Variants in PARVA observed in about 807,000 individuals in gnomAD.
PARVA encodes the protein alpha-parvin.
Under a neutral mutation model 52.6 loss-of-function variants are expected in PARVA, and 25 were observed. The ratio of observed to expected loss-of-function variants is 0.48; its 90% CI spans 0.35 to 0.66. The LOEUF is 0.66. Among genes scored for constraint, PARVA ranks in the 30% least tolerant of loss-of-function variants. The pLI is 0.01. For missense variants in PARVA, 373 were observed against 450.9 expected (o/e 0.83, Z 1.56); for synonymous variants, 185 against 179.1 (o/e 1.03, Z -0.26).
intron 1 of PARVA, among the ~76,000 whole-genome samples, chr11:12,379,219 T>A (rs746590321): frequency 2.2e-4 from 30 of 134,578 alleles, no homozygotes; most frequent in Non-Finnish European, 4.0e-4. Flanking sequence ...CGACCTGTTT[T>A]ATCAGCAAGG....
rs1183627718 is a variant in PARVA, at chr11:12,504,526, A to C, written c.657+97A>C. The C allele has an allele frequency of 2.1e-5, 15 of 728,984 alleles. No individual in the cohort carries two copies. In the Admixed American group the frequency reaches 2.4e-4, roughly 12 times the overall value. 45.2% of individuals were successfully genotyped at this position (728,984 alleles called of 1,614,324 possible). On this transcript the variant is annotated intron_variant, in intron 6 of 12. Coordinates refer to ENST00000334956, the MANE Select transcript of PARVA (RefSeq NM_018222.5). ...AGTAGGTCATTAGAAGGATGGCTGC[A>C]TGAATGTTGAGTGAGCCTGGGTGTG...
intron 5 of PARVA, among the ~76,000 whole-genome samples, chr11:12,500,494 A>G (rs952199479): frequency 6.6e-6 from 1 of 152,228 alleles, no homozygotes; most frequent in Non-Finnish European, 1.5e-5. Flanking sequence ...AGAATATTTG[A>G]AAATAGGCAA....
upstream of PARVA, chr11:12,377,242 G>T (rs184915401): frequency 1.6e-4 from 61 of 382,132 alleles, no homozygotes; most frequent in Admixed American, 6.3e-4. Context: ...AAGACCCCGG[G>T]AGAGTAGCAG....
intron 5 of PARVA, among the ~76,000 whole-genome samples, chr11:12,503,175 C>T (rs1419975060): frequency 6.6e-6 from 1 of 152,198 alleles, no homozygotes. Flanking sequence ...GCATTGCCTA[C>T]AGTGACCATA....
rs1353527795 is a variant in PARVA, at chr11:12,435,366, A to G, written c.137-38379A>G. The stretch of plus-strand genomic sequence containing the variant: ...GATCCTGATTCCAGAACATGGGGAA[A>G]AGTACAGAGGGTTGACCATTCCAAA... On this transcript the variant is annotated intron_variant, in intron 1 of 12. Coordinates refer to ENST00000334956, the MANE Select transcript of PARVA (RefSeq NM_018222.5). Among the ~76,000 whole-genome samples, 3 of 152,214 alleles carry G rather than the reference A, an allele frequency of 2.0e-5. No individual in the cohort carries two copies. In the East Asian group the frequency reaches 5.8e-4, roughly 29 times the overall value.
Position 12,513,988 on chromosome 11 carries a change from C to A in PARVA, c.799-9C>A, listed in dbSNP as rs1171123892. On this transcript the variant is annotated splice_polypyrimidine_tract_variant and intron_variant, in intron 9 of 12. Coordinates refer to ENST00000334956, the MANE Select transcript of PARVA (RefSeq NM_018222.5). Reference sequence around the variant, plus strand: ...CCCCAGCTTAGGGCCTGCTTTGCTTCTCTTTTAGACACTCATCACTTTCGT... The same window carrying A: ...CCCCAGCTTAGGGCCTGCTTTGCTTATCTTTTAGACACTCATCACTTTCGT... 4 of 1,613,428 alleles carry A rather than the reference C, an allele frequency of 2.5e-6. No individual in the cohort carries two copies. The highest frequency in any genetic ancestry group is 2.2e-5 in the South Asian group (2 of 91,076).
intron 1 of PARVA, among the ~76,000 whole-genome samples, chr11:12,465,851 T>A (rs1216068730): frequency 6.6e-6 from 1 of 152,260 alleles, no homozygotes; most frequent in African/African-American, 2.4e-5. Flanking sequence ...TGAACATGTT[T>A]TCAAATCAGT....
chr11:12,392,836 G>A (rs1053371666), intron 1 of PARVA, among the ~76,000 whole-genome samples: 5 of 151,932 alleles, frequency 3.3e-5, no homozygotes, highest in African/African-American at 1.2e-4. Flanking sequence ...ACCCCGAAAG[G>A]TACACACTGG....
chr11:12,392,061 G>T (rs1939666816), intron 1 of PARVA, among the ~76,000 whole-genome samples: 1 of 151,598 alleles, frequency 6.6e-6, no homozygotes. Context: ...TCTACTTTCT[G>T]TTTCTCTGAA....
At chr11:12,411,512 C>A (rs1231373543) in intron 1 of PARVA, among the ~76,000 whole-genome samples, 1 of 152,170 alleles carries the variant, frequency 6.6e-6, no homozygotes, top group East Asian at 1.9e-4. Context: ...AGGGAAGGTA[C>A]CATAGTACAT....
chr11:12,530,764 G>A lies in PARVA; in HGVS notation c.*2839G>A, dbSNP rs1358634253. 2.0e-5 allele frequency: 3 copies of A among 151,998 alleles called. No individual in the cohort carries two copies. Among genetic ancestry groups the A allele is most frequent in the Non-Finnish European group, 4.4e-5 (3 of 67,998 alleles). 9.4% of individuals were successfully genotyped at this position (151,998 alleles called of 1,614,324 possible). On this transcript the variant is annotated 3_prime_UTR_variant, in exon 13 of 13. Coordinates refer to ENST00000334956, the MANE Select transcript of PARVA (RefSeq NM_018222.5). ...TATCTTGGATATTGTATTACCCTGGGTATTAAAAAGAACTCCTTTCACATT... is the reference window on the plus strand; with the variant it reads ...TATCTTGGATATTGTATTACCCTGGATATTAAAAAGAACTCCTTTCACATT...
intron 1 of PARVA, among the ~76,000 whole-genome samples, chr11:12,382,945 A>T (rs1414989362): frequency 1.3e-5 from 2 of 152,206 alleles, no homozygotes; most frequent in Non-Finnish European, 2.9e-5. Flanking sequence ...TGGTCTTTGA[A>T]ATTTGAAATA....
chr11:12,515,510 C>G (rs1941557306), intron 10 of PARVA, among the ~76,000 whole-genome samples: 1 of 152,190 alleles, frequency 6.6e-6, no homozygotes, highest in Non-Finnish European at 1.5e-5. Context: ...CACTGCCAAG[C>G]ACTTTGGGTC....
intron 1 of PARVA, among the ~76,000 whole-genome samples, chr11:12,396,642 C>A (rs1043703421): frequency 1.3e-5 from 2 of 152,204 alleles, no homozygotes; most frequent in African/African-American, 4.8e-5. Context: ...GAAATAGGAT[C>A]CCCTGCCAGG....
intron 1 of PARVA, among the ~76,000 whole-genome samples, chr11:12,435,878 C>A (rs988158517): frequency 1.3e-5 from 2 of 152,040 alleles, no homozygotes; most frequent in African/African-American, 4.8e-5. Context: ...AGTGCAGTGG[C>A]GTGATCTCGG....
At chr11:12,451,305 A>G (rs977751618) in intron 1 of PARVA, among the ~76,000 whole-genome samples, 105 of 152,206 alleles carry the variant, frequency 6.9e-4, no homozygotes, top group Non-Finnish European at 1.9e-4. Flanking sequence ...CTAAAAGCTC[A>G]TGAGTATGTT....
upstream of PARVA, chr11:12,377,440 C>T: frequency 7.2e-7 from 1 of 1,380,046 alleles, no homozygotes; most frequent in South Asian, 1.7e-5. Flanking sequence ...GCCCCGGGAG[C>T]GCAGCTCCTT....
intron 1 of PARVA, among the ~76,000 whole-genome samples, chr11:12,467,184 T>C (rs1940864394): frequency 1.3e-5 from 2 of 152,242 alleles, no homozygotes; most frequent in South Asian, 4.1e-4. Context: ...TGCTAGTATA[T>C]AGGAAGCAAT....
At chr11:12,482,716 C>T (rs758769145) in intron 4 of PARVA, among the ~76,000 whole-genome samples, 1 of 151,774 alleles carries the variant, frequency 6.6e-6, no homozygotes, top group Non-Finnish European at 1.5e-5. Flanking sequence ...GAATGAAGAA[C>T]AAAGTCATGT....
Sources: gnomAD v4.1 joint callset for allele counts (sites outside exome capture counted in the v4.1 genomes callset) on GRCh38, gnomAD v4.1.1 for gene constraint, MANE v1.5 for transcripts, NCBI Gene and HGNC (gene_info 2026-07-23, HGNC 2026-07-21) for gene names.